The following CSMD1 variants were observed in gnomAD, a reference collection of about 807,000 sequenced individuals.
CSMD1 encodes CUB and Sushi multiple domains 1, also known as CUB and sushi domain-containing protein 1.
CSMD1 carries 213 observed loss-of-function variants against 417.5 expected under a neutral mutation model. The observed-to-expected ratio is 0.51, with a 90% CI of 0.46 to 0.57. CSMD1 has a LOEUF of 0.57. Ranked by LOEUF, CSMD1 falls within the 20% of genes least tolerant of loss-of-function variation. The pLI is 0.00. For missense variants in CSMD1, 6,923 were observed against 4,529.7 expected (o/e 1.53, Z -15.17); for synonymous variants, 2,862 against 1,736.8 (o/e 1.65, Z -16.11).
intron 6 of CSMD1, among the ~76,000 whole-genome samples, chr8:3,713,325 T>C (rs1482984429): frequency 1.3e-5 from 2 of 152,222 alleles, no homozygotes; most frequent in Non-Finnish European, 2.9e-5. Flanking sequence ...ACCATTACTA[T>C]ATTTGAATGG....
At chr8:3,448,322 AGG>A (rs1468852243) in intron 12 of CSMD1, among the ~76,000 whole-genome samples, 1 of 2,014 alleles carries the variant, frequency 5.0e-4, no homozygotes. Context: ...GAAGGAAGGA[AGG>A]GAGCAAGGGA....
At chr8:3,530,312 G>A (rs1288086902) in intron 10 of CSMD1, among the ~76,000 whole-genome samples, 4 of 151,814 alleles carry the variant, frequency 2.6e-5, no homozygotes, top group Non-Finnish European at 5.9e-5. Context: ...TGTCCCTCTT[G>A]GCCCTGTTTT....
intron 3 of CSMD1, among the ~76,000 whole-genome samples, chr8:4,293,610 T>C (rs1175731094): frequency 6.6e-6 from 1 of 152,188 alleles, no homozygotes; most frequent in Non-Finnish European, 1.5e-5. Flanking sequence ...AACTAAGCAA[T>C]ACTGCAATCG....
At chr8:3,443,363 C>T (rs1222204070) in intron 12 of CSMD1, among the ~76,000 whole-genome samples, 2 of 152,052 alleles carry the variant, frequency 1.3e-5, no homozygotes, top group South Asian at 2.1e-4. Flanking sequence ...AGAGAGCAAG[C>T]TACTATAGAA....
intron 1 of CSMD1, among the ~76,000 whole-genome samples, chr8:4,910,187 C>T (rs1805569687): frequency 1.3e-5 from 2 of 152,148 alleles, no homozygotes. Flanking sequence ...TATACACATA[C>T]ACACACTTGT....
intron 3 of CSMD1, among the ~76,000 whole-genome samples, chr8:4,354,653 C>G (rs10093852): frequency 2.0e-5 from 3 of 151,360 alleles, no homozygotes; most frequent in African/African-American, 7.3e-5. Context: ...ACATGAACAT[C>G]TATGCAGAAT....
At chr8:4,072,025 A>G (rs1460448047) in intron 3 of CSMD1, among the ~76,000 whole-genome samples, 1 of 152,192 alleles carries the variant, frequency 6.6e-6, no homozygotes, top group Non-Finnish European at 1.5e-5. Context: ...TTGCTGGTTC[A>G]GAAAGAAAGT....
intron 1 of CSMD1, among the ~76,000 whole-genome samples, chr8:4,768,097 T>A (rs1220952456): frequency 6.6e-6 from 1 of 152,154 alleles, no homozygotes; most frequent in South Asian, 2.1e-4. Context: ...AGCAGTTATG[T>A]GTTCTCTCAT....
chr8:3,259,628 G>A (rs755215664), intron 26 of CSMD1, among the ~76,000 whole-genome samples: 4 of 151,994 alleles, frequency 2.6e-5, no homozygotes, highest in African/African-American at 4.8e-5. Context: ...ATTCCTCCTC[G>A]AGATTTTAAT....
chr8:4,971,237 A>G (rs1810219228), intron 1 of CSMD1, among the ~76,000 whole-genome samples: 1 of 152,240 alleles, frequency 6.6e-6, no homozygotes, highest in South Asian at 2.1e-4. Flanking sequence ...TTAAGTTGAT[A>G]AAGTGGTTAA....
chr8:4,047,264 T>C (rs1410627213), intron 3 of CSMD1, among the ~76,000 whole-genome samples: 1 of 152,058 alleles, frequency 6.6e-6, no homozygotes, highest in Non-Finnish European at 1.5e-5. Context: ...TAGGCACATG[T>C]ATTCTGGAGT....
chr8:4,374,755 G>A (rs1200719184), intron 3 of CSMD1, among the ~76,000 whole-genome samples: 3 of 152,134 alleles, frequency 2.0e-5, no homozygotes, highest in Non-Finnish European at 4.4e-5. Context: ...CGTCCAAGTG[G>A]TTCTTGTCTA....
intron 2 of CSMD1, among the ~76,000 whole-genome samples, chr8:4,619,983 T>C (rs986728919): frequency 1.3e-5 from 2 of 152,068 alleles, no homozygotes; most frequent in Non-Finnish European, 2.9e-5. Context: ...ACATGAGGCA[T>C]AATTACAAAT....
At chr8:4,534,721 G>A (rs1024742455) in intron 2 of CSMD1, among the ~76,000 whole-genome samples, 4 of 152,030 alleles carry the variant, frequency 2.6e-5, no homozygotes, top group African/African-American at 7.2e-5. Context: ...AGCTTGCTTA[G>A]GATTATGACC....
chr8:4,945,502 A>G (rs1488114707), intron 1 of CSMD1, among the ~76,000 whole-genome samples: 1 of 150,116 alleles, frequency 6.7e-6, no homozygotes, highest in Non-Finnish European at 1.5e-5. Context: ...TTAAAAAAAC[A>G]AAATAAAAAG....
At chr8:4,139,209 T>A (rs879265309) in intron 3 of CSMD1, among the ~76,000 whole-genome samples, 10 of 152,284 alleles carry the variant, frequency 6.6e-5, no homozygotes, top group Admixed American at 6.5e-4. Context: ...TCCTGGAAAA[T>A]AAGAGTGTCC....
intron 1 of CSMD1, among the ~76,000 whole-genome samples, chr8:4,700,793 A>G (rs1416459861): frequency 2.0e-5 from 3 of 152,226 alleles, no homozygotes; most frequent in Non-Finnish European, 2.9e-5. Flanking sequence ...AAGGGAAAGG[A>G]TATTTCTGTA....
At chr8:3,109,887 A>T (rs933258099) in intron 43 of CSMD1, among the ~76,000 whole-genome samples, 3 of 151,516 alleles carry the variant, frequency 2.0e-5, no homozygotes, top group African/African-American at 7.3e-5. Flanking sequence ...CCCATACCCA[A>T]CCCAACCCAC....
chr8:3,793,085 T>C (rs1269695183), intron 5 of CSMD1, among the ~76,000 whole-genome samples: 1 of 152,106 alleles, frequency 6.6e-6, no homozygotes, highest in Non-Finnish European at 1.5e-5. Context: ...AAGGGGCAAT[T>C]AACACTTCCA....
Sources: allele counts gnomAD v4.1 joint callset (sites outside exome capture counted in the v4.1 genomes callset), GRCh38; gene constraint gnomAD v4.1.1; transcripts MANE v1.5; gene names NCBI Gene and HGNC (gene_info 2026-07-23, HGNC 2026-07-21).